The following ANO1 variants were observed in gnomAD, a reference collection of about 807,000 sequenced individuals.
The protein encoded by ANO1 is anoctamin 1.
ANO1 carries 59 observed loss-of-function variants against 124.0 expected under a neutral mutation model. The ratio of observed to expected loss-of-function variants is 0.48; its 90% confidence interval spans 0.39 to 0.59. ANO1 has a LOEUF of 0.59. ANO1 is among the 20% of genes least tolerant of loss of function. ANO1 has a pLI of 0.00. For synonymous variants in ANO1, 529 were observed against 532.0 expected, an observed-to-expected ratio of 0.99 and a Z score of 0.08; for missense variants, 1,059 against 1,328.0, an observed-to-expected ratio of 0.80 and a Z score of 3.15.
the ANO1 span, among the ~76,000 whole-genome samples, chr11:69,966,872 T>G: frequency 2.2e-4 from 34 of 152,258 alleles, no homozygotes; most frequent in African/African-American, 7.7e-4. Flanking sequence ...GGTGAGTTGA[T>G]GCAAGCACCT....
At chr11:70,095,792 C>T (rs1350908195) in intron 2 of ANO1, among the ~76,000 whole-genome samples, 1 of 152,280 alleles carries the variant, frequency 6.6e-6, no homozygotes, top group African/African-American at 2.4e-5. Context: ...CTTCTTGCAC[C>T]AGCCCCATGT....
intron 1 of ANO1, chr11:70,085,711 C>G (rs1307125393): frequency 1.4e-6 from 2 of 1,436,630 alleles, no homozygotes; most frequent in Non-Finnish European, 1.8e-6. Flanking sequence ...CCAGAGCCTC[C>G]TCTCTCCTTC....
intron 25 of ANO1, among the ~76,000 whole-genome samples, chr11:70,186,508 C>T (rs1264019235): frequency 6.6e-6 from 1 of 152,066 alleles, no homozygotes; most frequent in Non-Finnish European, 1.5e-5. Context: ...GTCAGATGAC[C>T]CCAGCTGCAG....
chr11:70,063,034 A>C (rs191479782), intron 1 of ANO1, among the ~76,000 whole-genome samples: 8 of 152,044 alleles, frequency 5.3e-5, no homozygotes, highest in African/African-American at 1.9e-4. Context: ...GGTTCAAGCG[A>C]TTCTCCTCCC....
At chr11:70,179,474 G>T (rs1356452036) in intron 22 of ANO1, among the ~76,000 whole-genome samples, 2 of 152,292 alleles carry the variant, frequency 1.3e-5, no homozygotes, top group East Asian at 3.9e-4. Context: ...GTGATTTGGT[G>T]CACCCCTGGG....
chr11:69,968,479 G>A, the ANO1 span, among the ~76,000 whole-genome samples: 1 of 152,242 alleles, frequency 6.6e-6, no homozygotes, highest in Admixed American at 6.5e-5. Flanking sequence ...ACGTGTCGGA[G>A]AGTCAAGACA....
chr11:70,103,728 T>C (rs556984740), intron 3 of ANO1, among the ~76,000 whole-genome samples: 1 of 152,244 alleles, frequency 6.6e-6, no homozygotes, highest in East Asian at 1.9e-4. Context: ...CAGAGACCAC[T>C]TGGATTACCT....
At chr11:70,130,996 G>A (rs915205042) in intron 10 of ANO1, among the ~76,000 whole-genome samples, 1 of 152,256 alleles carries the variant, frequency 6.6e-6, no homozygotes, top group Non-Finnish European at 1.5e-5. Flanking sequence ...CTGGCACAGA[G>A]CAAGGGCCCT....
rs1482260698 is a variant in ANO1, at chr11:70,003,581, T to TGGTGGATGGATG, written c.58+17429_58+17440dup. On this transcript the variant is annotated intron_variant, in intron 1 of 27. Coordinates refer to the ANO1 transcript ENST00000531349. ...ACAGAGCTGGGGCTTAATAAATTGT[T>TGGTGGATGGATG]GGTGGATGGATGGGTGGATGGATGG... Among the ~76,000 whole-genome samples, 258 of 111,996 alleles carry TGGTGGATGGATG rather than the reference T, an allele frequency of 2.3e-3. 8 individuals carry two copies. The highest frequency in any genetic ancestry group is 3.4e-3 in the Admixed American group (40 of 11,692). The allele number at this position is 111,996 out of a possible 152,430, so 73.5% of individuals were successfully genotyped here.
At position 70,088,025 on chromosome 11, in the gene ANO1, A is replaced by G; in HGVS notation, c.382A>G (p.Arg128Gly). Residue 128 changes from arginine (R) to glycine (G), a missense_variant, in exon 2 of 26, where the codon AGG becomes GGG. Around this residue, in one of 2 missense-constraint regions of ANO1, gnomAD observed 250 missense variants for 233.1 expected, o/e 1.07. Transcript: ENST00000355303. ...DYHEDDKRFR[R>G]EEYEGNLLEA... The stretch of plus-strand genomic sequence containing the variant: ...CCACGAGGATGACAAGCGCTTCCGC[A>G]GGGAGGAGTACGAGGGCAACCTCCT... 1 of 1,514,704 alleles carries G rather than the reference A, an allele frequency of 6.6e-7. No individual in the cohort carries two copies. Among genetic ancestry groups the G allele is most frequent in the Non-Finnish European group, 8.8e-7 (1 of 1,131,544 alleles). 93.8% of individuals were successfully genotyped at this position (1,514,704 alleles called of 1,614,324 possible). A position where few individuals can be genotyped will look rare whatever the true frequency, so the allele number is the denominator to read the frequency against.
Position 70,100,686 on chromosome 11 carries a change from T to G in ANO1, c.442-2380T>G, listed in dbSNP as rs536269451. ...CATGGCACACGCCTCAGGGCCTCAG[T>G]TTCCCCAGCTGTGAAATGAGGATGA... On this transcript the variant is annotated intron_variant, in intron 2 of 25. Transcript: ENST00000355303. 3.9e-5 allele frequency among the ~76,000 whole-genome samples: 6 copies of G among 152,286 alleles called. No homozygotes were observed. In the South Asian group the frequency reaches 1.2e-3, roughly 32 times the overall value.
chr11:70,047,925 G>T (rs372204444), intron 1 of ANO1, among the ~76,000 whole-genome samples: 5 of 152,200 alleles, frequency 3.3e-5, no homozygotes, highest in Non-Finnish European at 5.9e-5. Context: ...AAATTGTATC[G>T]TTGTGGAATG....
chr11:70,095,754 C>G (rs902241151), intron 2 of ANO1, among the ~76,000 whole-genome samples: 1 of 152,206 alleles, frequency 6.6e-6, no homozygotes, highest in Non-Finnish European at 1.5e-5. Context: ...AGGAGCCCCT[C>G]ACCCCCGCCG....
At chr11:70,111,367 G>A (rs925392625) in intron 6 of ANO1, among the ~76,000 whole-genome samples, 10 of 152,194 alleles carry the variant, frequency 6.6e-5, no homozygotes, top group African/African-American at 1.9e-4. Flanking sequence ...CAGGTGGGGG[G>A]AGCCGGTGAA....
intron 24 of ANO1, 96 bp downstream of exon 24, chr11:70,182,782 A>C: frequency 8.9e-7 from 1 of 1,118,364 alleles, no homozygotes; most frequent in Non-Finnish European, 1.2e-6. Context: ...GCAAGTCATG[A>C]AACAACGCAA....
At chr11:70,187,629 C>A in intron 25 of ANO1, 109 bp from the exon 26 acceptor site, 1 of 1,379,170 alleles carries the variant, frequency 7.3e-7, no homozygotes. Context: ...GGTCAATGGG[C>A]CAGGAGGTGG....
In ANO1 at chr11:70,171,093, G is replaced by A. The variant is rs2048453331; in HGVS notation, c.2350+54G>A. The A allele has an allele frequency of 1.9e-6, 3 of 1,572,672 alleles. No individual in the cohort carries two copies. In the South Asian group the frequency reaches 3.5e-5, roughly 18 times the overall value. On this transcript the variant is annotated intron_variant, in intron 22 of 25. Coordinates refer to ENST00000355303, the MANE Select transcript of ANO1 (RefSeq NM_018043.7). ...GGTTCCGAGTGCGTGCTGGGTTTGG[G>A]GAGGGGGTTGCTCCTCTCCAGAAGC...
chr11:69,986,080 G>A (rs1030368259), exon 1 of ANO1: 1 of 152,338 alleles, frequency 6.6e-6, no homozygotes, highest in Non-Finnish European at 1.5e-5. Flanking sequence ...TAGGTCCCGG[G>A]TGCACCGGAG....
the ANO1 span, among the ~76,000 whole-genome samples, chr11:69,970,287 A>ACTGTGCTTCGGTCCCAGCCC: frequency 6.6e-6 from 1 of 152,164 alleles, no homozygotes; most frequent in Non-Finnish European, 1.5e-5. Context: ...GAGCCCAGGC[A>ACTGTGCTTCGGTCCCAGCCC]CTGTGCTTCG....
Sources: gnomAD v4.1 joint callset for allele counts (sites outside exome capture counted in the v4.1 genomes callset) on GRCh38, gnomAD v4.1.1 for gene constraint, gnomAD v4.1.1 regional missense constraint, MANE v1.5 for transcripts, NCBI Gene and HGNC (gene_info 2026-07-23, HGNC 2026-07-21) for gene names.